ATP8A2: variants seen among roughly 807,000 people sequenced by gnomAD.
The protein encoded by ATP8A2 is ATPase phospholipid transporting 8A2.
ATP8A2 carries 100 observed loss-of-function variants against 165.6 expected under a neutral mutation model. The observed-to-expected ratio is 0.60, with a 90% confidence interval of 0.51 to 0.71. The LOEUF (loss-of-function observed/expected upper bound fraction) is 0.71. ATP8A2 is among the 30% of genes least tolerant of loss of function. ATP8A2 has a pLI of 0.00. For missense variants in ATP8A2, 1,227 were observed against 1,479.5 expected (o/e 0.83, Z 2.80); for synonymous variants, 543 against 548.8 (o/e 0.99, Z 0.15).
At position 25,963,781 on chromosome 13, in the gene ATP8A2, C is replaced by G. The variant is rs138669817; in HGVS notation, c.3272+2118C>G. ...GTGCTTCTTTGTCCATTTTCTGGCT[C>G]TTTTCCAGTGCGTTCTGAGTAATCA... is the stretch of plus-strand genomic sequence containing the variant. On this transcript the variant is annotated intron_variant, in intron 34 of 36. Coordinates refer to ENST00000381655, the MANE Select transcript of ATP8A2 (RefSeq NM_016529.6). 1.2e-4 allele frequency among the ~76,000 whole-genome samples: 19 copies of G among 152,346 alleles called. No homozygotes were observed. In the East Asian group the frequency reaches 3.5e-3, roughly 28 times the overall value.
intron 33 of ATP8A2, among the ~76,000 whole-genome samples, chr13:25,924,439 C>T (rs1190233268): frequency 6.6e-6 from 1 of 152,066 alleles, no homozygotes; most frequent in African/African-American, 2.4e-5. Context: ...GAAGCATCAC[C>T]CTGATTTTTC....
At chr13:25,904,786 C>T (rs189233207) in intron 33 of ATP8A2, among the ~76,000 whole-genome samples, 1 of 152,332 alleles carries the variant, frequency 6.6e-6, no homozygotes, top group Non-Finnish European at 1.5e-5. Flanking sequence ...CTCATTCTCT[C>T]ATCAGACTCT....
chr13:25,937,412 TGGAAAAATGAAAGAAAAGGCTAA>T (rs1954935070), intron 33 of ATP8A2, among the ~76,000 whole-genome samples: 1 of 140,240 alleles, frequency 7.1e-6, no homozygotes. Context: ...TGGTTGTGTT[TGGAAAAATGAAAGAAAAGGCTAA>T]TTATTGTCCT....
intron 35 of ATP8A2, 58 bp from the exon 36 acceptor site, chr13:26,012,473 C>T: frequency 2.8e-6 from 4 of 1,406,480 alleles, no homozygotes; most frequent in Non-Finnish European, 3.9e-6. Context: ...CTGTCTGTCT[C>T]CTTGTGCAAC....
intron 35 of ATP8A2, among the ~76,000 whole-genome samples, chr13:26,005,916 A>G (rs776896380): frequency 3.9e-5 from 6 of 152,012 alleles, no homozygotes; most frequent in Non-Finnish European, 5.9e-5. Context: ...GTAGTTTAGT[A>G]ATAAGTTTTG....
intron 33 of ATP8A2, among the ~76,000 whole-genome samples, chr13:25,865,744 A>G (rs1952491059): frequency 6.6e-6 from 1 of 152,162 alleles, no homozygotes; most frequent in African/African-American, 2.4e-5. Context: ...GAAATCAAAG[A>G]AGTCATCTGC....
At chr13:25,696,279 GC>G (rs2042832701) in intron 24 of ATP8A2, among the ~76,000 whole-genome samples, 1 of 152,112 alleles carries the variant, frequency 6.6e-6, no homozygotes, top group South Asian at 2.1e-4. Context: ...AATTGATTTA[GC>G]ATAAATTTTC....
intron 25 of ATP8A2, among the ~76,000 whole-genome samples, chr13:25,731,142 G>GAA (rs2043616206): frequency 2.7e-5 from 1 of 37,572 alleles, no homozygotes; most frequent in African/African-American, 9.3e-5. Context: ...GAGAGAGAGA[G>GAA]AAATAAAAGA....
At chr13:25,893,067 A>T (rs1953427262) in intron 33 of ATP8A2, among the ~76,000 whole-genome samples, 1 of 151,198 alleles carries the variant, frequency 6.6e-6, no homozygotes, top group East Asian at 1.9e-4. Context: ...TTATTATTAT[A>T]CTTTTAAGTT....
intron 23 of ATP8A2, among the ~76,000 whole-genome samples, chr13:25,587,452 T>A (rs1385582656): frequency 6.6e-6 from 1 of 152,174 alleles, no homozygotes; most frequent in Non-Finnish European, 1.5e-5. Flanking sequence ...AAAAAAAGAC[T>A]GAGTTTTTCC....
intron 33 of ATP8A2, among the ~76,000 whole-genome samples, chr13:25,913,189 T>C (rs536112261): frequency 6.6e-6 from 1 of 152,244 alleles, no homozygotes; most frequent in South Asian, 2.1e-4. Flanking sequence ...CAGGAAGGAA[T>C]AGAGATGCAA....
chr13:25,675,585 TTTG>T (rs1247366163), intron 24 of ATP8A2, among the ~76,000 whole-genome samples: 4 of 152,244 alleles, frequency 2.6e-5, no homozygotes, highest in African/African-American at 4.8e-5. Context: ...GTGAATATCT[TTTG>T]TTCTTTTAAT....
intron 33 of ATP8A2, among the ~76,000 whole-genome samples, chr13:25,887,688 C>T (rs1953202563): frequency 6.6e-6 from 1 of 152,200 alleles, no homozygotes; most frequent in African/African-American, 2.4e-5. Context: ...GAAAGGAAGA[C>T]AACAAATGTT....
chr13:25,563,750 G>A lies in ATP8A2; in HGVS notation c.1398-206G>A, dbSNP rs192819720. Among the ~76,000 whole-genome samples, 357 of 152,052 alleles carry A rather than the reference G, an allele frequency of 2.3e-3. 2 individuals are homozygous for A. Among genetic ancestry groups the A allele is most frequent in the African/African-American group, 8.0e-3 (332 of 41,472 alleles). On this transcript the variant is annotated intron_variant, in intron 15 of 36. Transcript: ENST00000381655. ...TAACTGTTGTTCTTTACAATAACTC[G>A]TAAAGTATCTTATTTATAGTAAACT...
intron 24 of ATP8A2, among the ~76,000 whole-genome samples, chr13:25,636,092 G>C (rs971678145): frequency 6.6e-6 from 1 of 152,150 alleles, no homozygotes; most frequent in Admixed American, 6.5e-5. Flanking sequence ...CACAGTGAAG[G>C]CCGTGGGAGT....
intron 33 of ATP8A2, among the ~76,000 whole-genome samples, chr13:25,919,039 A>G (rs1954357196): frequency 6.6e-6 from 1 of 152,256 alleles, no homozygotes; most frequent in Non-Finnish European, 1.5e-5. Flanking sequence ...TGAAAACCAT[A>G]GATAATGAAT....
At chr13:25,819,569 T>C (rs923575887) in intron 27 of ATP8A2, among the ~76,000 whole-genome samples, 3 of 152,154 alleles carry the variant, frequency 2.0e-5, no homozygotes, top group African/African-American at 7.2e-5. Flanking sequence ...ATTTCCATAT[T>C]TATAAATTTA....
chr13:25,595,554 T>A (rs2040214338), intron 24 of ATP8A2, among the ~76,000 whole-genome samples: 1 of 152,172 alleles, frequency 6.6e-6, no homozygotes, highest in Non-Finnish European at 1.5e-5. Flanking sequence ...GGAAATGGTA[T>A]AAGGCTGGAG....
chr13:25,800,909 T>C (rs1950609576), intron 27 of ATP8A2, among the ~76,000 whole-genome samples: 2 of 152,140 alleles, frequency 1.3e-5, no homozygotes, highest in Non-Finnish European at 2.9e-5. Context: ...CAGTTCTGTA[T>C]TAATTCTGAG....
Sources: allele counts gnomAD v4.1 joint callset (sites outside exome capture counted in the v4.1 genomes callset), GRCh38; gene constraint gnomAD v4.1.1; transcripts MANE v1.5; gene names NCBI Gene and HGNC (gene_info 2026-07-23, HGNC 2026-07-21).